Variants in DIXDC1 observed in about 807,000 individuals in gnomAD.
DIXDC1 encodes DIX domain containing 1.
Under a neutral mutation model 103.1 loss-of-function variants are expected in DIXDC1, and 64 were observed. The ratio of observed to expected loss-of-function variants is 0.62; its 90% CI spans 0.51 to 0.76. The LOEUF is 0.76. DIXDC1 is among the 30% of genes least tolerant of loss of function. DIXDC1 has a pLI of 0.00. For missense variants in DIXDC1, 759 were observed against 834.2 expected (o/e 0.91, Z 1.11); for synonymous variants, 266 against 298.5 (o/e 0.89, Z 1.12).
At chr11:111,965,189 A>T (rs587695098) in intron 2 of DIXDC1, among the ~76,000 whole-genome samples, 1 of 151,960 alleles carries the variant, frequency 6.6e-6, no homozygotes, top group Non-Finnish European at 1.5e-5. Context: ...ACTTCATAAA[A>T]TTTTTTTCCT....
At chr11:111,981,711 T>C (rs1860312725) in intron 6 of DIXDC1, among the ~76,000 whole-genome samples, 1 of 152,252 alleles carries the variant, frequency 6.6e-6, no homozygotes, top group Admixed American at 6.5e-5. Context: ...TTTATGCCTT[T>C]CTGAATTCTA....
At chr11:112,014,589 C>T (rs1187335811) in intron 17 of DIXDC1, among the ~76,000 whole-genome samples, 2 of 152,184 alleles carry the variant, frequency 1.3e-5, no homozygotes, top group Non-Finnish European at 2.9e-5. Context: ...TTCAGTCTTC[C>T]AATACAGCTT....
intron 17 of DIXDC1, among the ~76,000 whole-genome samples, chr11:111,997,379 A>G (rs1255374999): frequency 4.0e-5 from 6 of 151,710 alleles, no homozygotes; most frequent in Admixed American, 3.9e-4. Flanking sequence ...CTTGTTGCCC[A>G]GGCTGGAGTG....
At chr11:111,996,925 A>G (rs950748403) in intron 17 of DIXDC1, among the ~76,000 whole-genome samples, 1 of 152,162 alleles carries the variant, frequency 6.6e-6, no homozygotes, top group Non-Finnish European at 1.5e-5. Flanking sequence ...TCTAATGGCC[A>G]TGGCTAGGAA....
intron 17 of DIXDC1, among the ~76,000 whole-genome samples, chr11:112,011,830 C>T (rs1861432727): frequency 1.3e-5 from 2 of 152,028 alleles, no homozygotes; most frequent in African/African-American, 2.4e-5. Flanking sequence ...GGAGGGATAG[C>T]ATTAGGAGAA....
At chr11:111,994,629 T>C (rs1287635575) in intron 14 of DIXDC1, among the ~76,000 whole-genome samples, 1 of 151,576 alleles carries the variant, frequency 6.6e-6, no homozygotes, top group Non-Finnish European at 1.5e-5. Flanking sequence ...TGTATATATA[T>C]GTATGAATAT....
upstream of DIXDC1, among the ~76,000 whole-genome samples, chr11:111,936,975 CTGTT>C (rs1330216908): frequency 2.0e-4 from 30 of 149,918 alleles, no homozygotes; most frequent in African/African-American, 6.7e-4. Flanking sequence ...GCCGGGCCGC[CTGTT>C]TGTCAACGTG....
chr11:111,940,233 A>G (rs116744736), intron 1 of DIXDC1, among the ~76,000 whole-genome samples: 5,818 of 152,280 alleles, frequency 0.038, 345 homozygotes, highest in African/African-American at 0.13. Flanking sequence ...CGCATTTCCT[A>G]CACAGAGCCC....
chr11:111,990,089 C>CT (rs150547427), intron 10 of DIXDC1, among the ~76,000 whole-genome samples: 180 of 132,454 alleles, frequency 1.4e-3, no homozygotes, highest in South Asian at 8.1e-3. Flanking sequence ...CGCGCCCGGC[C>CT]TTTTTTTTTT....
intron 1 of DIXDC1, among the ~76,000 whole-genome samples, chr11:111,937,807 A>T (rs1966269601): frequency 6.6e-6 from 1 of 152,246 alleles, no homozygotes; most frequent in South Asian, 2.1e-4. Context: ...CCAAGAGGAC[A>T]GGACCACAAA....
At chr11:112,014,808 A>G (rs1227685970) in intron 17 of DIXDC1, among the ~76,000 whole-genome samples, 2 of 152,232 alleles carry the variant, frequency 1.3e-5, no homozygotes, top group Non-Finnish European at 2.9e-5. Context: ...TATTTATTCA[A>G]CAACCACTGT....
intron 17 of DIXDC1, among the ~76,000 whole-genome samples, chr11:112,012,679 A>C (rs587675342): frequency 6.6e-6 from 1 of 152,202 alleles, no homozygotes; most frequent in Non-Finnish European, 1.5e-5. Flanking sequence ...CTTATCCTGC[A>C]TGAGTTTTTT....
At chr11:111,957,834 G>A (rs907976057) in intron 1 of DIXDC1, among the ~76,000 whole-genome samples, 6 of 152,236 alleles carry the variant, frequency 3.9e-5, no homozygotes, top group African/African-American at 1.4e-4. Flanking sequence ...TCTAGATTAG[G>A]TAATGGTATT....
In DIXDC1 at chr11:112,019,145, C is replaced by CA. The variant is rs2137653709; in HGVS notation, c.*113dup. ...ACTAAGAAGTTTCTAGTTTGTGTGC[C>CA]AAAACAGAAGCTTCTCCAAGCATGA... is the stretch of plus-strand genomic sequence containing the variant. On this transcript the variant is annotated 3_prime_UTR_variant, in exon 20 of 20. Transcript: ENST00000440460. 1 of 889,712 alleles carries CA rather than the reference C, an allele frequency of 1.1e-6. No homozygotes were observed. The highest frequency in any genetic ancestry group is 2.5e-5 in the East Asian group (1 of 39,346). The allele number at this position is 889,712 out of a possible 1,614,324, so 55.1% of individuals were successfully genotyped here.
intron 3 of DIXDC1, among the ~76,000 whole-genome samples, chr11:111,969,059 G>A (rs1423072285): frequency 5.3e-5 from 8 of 152,024 alleles, no homozygotes; most frequent in Non-Finnish European, 8.8e-5. Flanking sequence ...GATTACAGGC[G>A]TGAGCCATTG....
At chr11:111,966,210 T>G (rs1859721826) in intron 2 of DIXDC1, among the ~76,000 whole-genome samples, 1 of 127,634 alleles carries the variant, frequency 7.8e-6, no homozygotes, top group Admixed American at 7.7e-5. Flanking sequence ...ACCCGGGGTT[T>G]TTTTTTTTTT....
rs151334201 is a variant in DIXDC1, at chr11:112,009,746, A to G, written c.1757-6945A>G. The stretch of plus-strand genomic sequence containing the variant: ...TCAATAGATGCAGAAAAGGCCTTCA[A>G]CAAAATTCAACAGCCCTTCATGCTA... On this transcript the variant is annotated intron_variant, in intron 17 of 19. Coordinates refer to ENST00000440460, the MANE Select transcript of DIXDC1 (RefSeq NM_001037954.4). 4.4e-3 allele frequency among the ~76,000 whole-genome samples: 671 copies of G among 152,348 alleles called. 3 individuals are homozygous for G. Among genetic ancestry groups the G allele is most frequent in the African/African-American group, 0.015 (637 of 41,588 alleles).
At chr11:112,016,316 T>C (rs144359819) in intron 17 of DIXDC1, among the ~76,000 whole-genome samples, 287 of 152,288 alleles carry the variant, frequency 1.9e-3, no homozygotes, top group African/African-American at 6.7e-3. Flanking sequence ...ATGAGTATTC[T>C]CTACTACGGA....
chr11:111,989,624 GGA>G lies in DIXDC1; in HGVS notation c.1113+570_1113+571del, dbSNP rs1302842536. Among the ~76,000 whole-genome samples the G allele has an allele frequency of 6.1e-4, 30 of 49,446 alleles. 1 individual carries two copies. Among genetic ancestry groups the G allele is most frequent in the African/African-American group, 1.6e-3 (16 of 9,716 alleles). 32.4% of individuals were successfully genotyped at this position (49,446 alleles called of 152,430 possible). On this transcript the variant is annotated intron_variant, in intron 10 of 19. Transcript: ENST00000440460. The stretch of plus-strand genomic sequence containing the variant: ...AGGTGACAGGGTGAGACTCCGTCTC[GGA>G]AAAAAAAAAAAAAAAGGAATGTCCT...
Sources: gnomAD v4.1 joint callset for allele counts (sites outside exome capture counted in the v4.1 genomes callset) on GRCh38, gnomAD v4.1.1 for gene constraint, MANE v1.5 for transcripts, NCBI Gene and HGNC (gene_info 2026-07-23, HGNC 2026-07-21) for gene names.